The following RBFOX1 variants were observed in gnomAD, a reference collection of about 807,000 sequenced individuals.
RBFOX1 encodes RNA binding fox-1 homolog 1, also known as RNA binding protein fox-1 homolog 1.
A neutral mutation model predicts 57.7 loss-of-function variants in RBFOX1; 8 were observed. That is an observed-to-expected ratio of 0.14 (90% CI 0.08 to 0.25). RBFOX1 has a LOEUF of 0.25. RBFOX1 is among the 10% of genes least tolerant of loss of function. RBFOX1 has a pLI of 1.00. For missense variants in RBFOX1, 611 were observed against 548.5 expected (o/e 1.11, Z -1.14); for synonymous variants, 326 against 222.4 (o/e 1.47, Z -4.15).
chr16:7,440,047 G>T (rs553457834), intron 4 of RBFOX1, among the ~76,000 whole-genome samples: 1 of 149,656 alleles, frequency 6.7e-6, no homozygotes, highest in Non-Finnish European at 1.5e-5. Context: ...CATCTCCCGG[G>T]TTCAGGTGAT....
intron 4 of RBFOX1, among the ~76,000 whole-genome samples, chr16:7,256,485 A>G (rs1175768240): frequency 6.6e-6 from 1 of 152,174 alleles, no homozygotes; most frequent in Non-Finnish European, 1.5e-5. Flanking sequence ...GAGCCTTTTT[A>G]GACCTTTTTT....
intron 1 of RBFOX1, among the ~76,000 whole-genome samples, chr16:6,314,681 G>T (rs927515461): frequency 2.0e-5 from 3 of 152,292 alleles, no homozygotes; most frequent in East Asian, 1.9e-4. Context: ...GAGCTGAAAA[G>T]GTTGAACCTG....
intron 2 of RBFOX1, among the ~76,000 whole-genome samples, chr16:6,525,509 G>A (rs1424897388): frequency 6.6e-6 from 1 of 152,154 alleles, no homozygotes; most frequent in Non-Finnish European, 1.5e-5. Context: ...TTTGTTGGTT[G>A]GTGCTGCTAT....
intron 3 of RBFOX1, among the ~76,000 whole-genome samples, chr16:6,745,450 T>G (rs553927973): frequency 7.8e-4 from 118 of 152,156 alleles, no homozygotes; most frequent in Non-Finnish European, 1.5e-3. Context: ...GGATACTATA[T>G]CAAGAATGAG....
At chr16:6,121,256 G>T (rs1055203188) in intron 1 of RBFOX1, among the ~76,000 whole-genome samples, 1 of 152,226 alleles carries the variant, frequency 6.6e-6, no homozygotes, top group East Asian at 1.9e-4. Context: ...TCTAGACTCT[G>T]CTTTGAGACA....
intron 1 of RBFOX1, among the ~76,000 whole-genome samples, chr16:6,262,740 C>T (rs910646607): frequency 6.6e-6 from 1 of 152,090 alleles, no homozygotes; most frequent in African/African-American, 2.4e-5. Flanking sequence ...ATGTCTCTGC[C>T]AGCTGGGATT....
intron 3 of RBFOX1, among the ~76,000 whole-genome samples, chr16:7,043,810 G>C (rs7187241): frequency 0.12 from 18,987 of 152,094 alleles, 2,056 homozygotes; most frequent in East Asian, 0.29. Flanking sequence ...CTTGACTCTT[G>C]TGTCATATTC....
rs1325303071 is a variant in RBFOX1 at position 6,971,845 on chromosome 16, G to C, written c.-15-80212G>C. 4.6e-5 allele frequency among the ~76,000 whole-genome samples: 7 copies of C among 152,246 alleles called. No individual in the cohort carries two copies. The East Asian group carries it at 1.4e-3, about 29-fold the overall frequency. On this transcript the variant is annotated intron_variant, in intron 3 of 15. Transcript: ENST00000550418. Reference sequence around the variant, plus strand: ...CAAGGCTAAGAGCAGAGAAGTGTCTGATGGAAGAGTCTAATTCCCTGCAGT... The same window carrying C: ...CAAGGCTAAGAGCAGAGAAGTGTCTCATGGAAGAGTCTAATTCCCTGCAGT...
chr16:6,900,512 C>T (rs1486104698), intron 3 of RBFOX1, among the ~76,000 whole-genome samples: 1 of 152,226 alleles, frequency 6.6e-6, no homozygotes, highest in Non-Finnish European at 1.5e-5. Context: ...CTTGGATGGT[C>T]TGGCCCTGCC....
chr16:6,859,153 G>GTATATATATACGTATATATATACGTA (rs2058507610), intron 3 of RBFOX1, among the ~76,000 whole-genome samples: 1 of 81,456 alleles, frequency 1.2e-5, no homozygotes, highest in Non-Finnish European at 2.3e-5. Flanking sequence ...ATATATATAT[G>GTATATATATACGTATATATATACGTA]TATATATATA....
chr16:7,305,716 C>G (rs1185610852), intron 4 of RBFOX1, among the ~76,000 whole-genome samples: 1 of 151,990 alleles, frequency 6.6e-6, no homozygotes, highest in Non-Finnish European at 1.5e-5. Context: ...TTGGTTGACT[C>G]CAGAAAATAT....
chr16:6,881,993 T>A (rs2063035892), intron 3 of RBFOX1, among the ~76,000 whole-genome samples: 1 of 152,182 alleles, frequency 6.6e-6, no homozygotes, highest in Admixed American at 6.5e-5. Context: ...AGGAGAAATT[T>A]TTTTAAAAAA....
chr16:7,562,528 G>GC (rs1172861023), intron 5 of RBFOX1, among the ~76,000 whole-genome samples: 1 of 152,178 alleles, frequency 6.6e-6, no homozygotes, highest in Non-Finnish European at 1.5e-5. Context: ...GCTGATCAGT[G>GC]CCCCAAGTAA....
chr16:5,953,922 C>T (rs1275894745), intron 4 of RBFOX1, among the ~76,000 whole-genome samples: 1 of 152,124 alleles, frequency 6.6e-6, no homozygotes, highest in Non-Finnish European at 1.5e-5. Flanking sequence ...TCAAATTTAA[C>T]TGGGCCACCT....
At chr16:6,126,892 C>A (rs939682722) in intron 1 of RBFOX1, among the ~76,000 whole-genome samples, 3 of 152,142 alleles carry the variant, frequency 2.0e-5, no homozygotes, top group Non-Finnish European at 4.4e-5. Flanking sequence ...TACAAAGAAG[C>A]AAACAGCTCA....
At chr16:7,409,995 C>T (rs978707331) in intron 4 of RBFOX1, among the ~76,000 whole-genome samples, 1 of 152,190 alleles carries the variant, frequency 6.6e-6, no homozygotes, top group Non-Finnish European at 1.5e-5. Context: ...CCAGGGGACA[C>T]AGCTGGATGG....
chr16:7,052,338 C>G (rs2050375548), intron 4 of RBFOX1, among the ~76,000 whole-genome samples: 1 of 152,132 alleles, frequency 6.6e-6, no homozygotes, highest in African/African-American at 2.4e-5. Flanking sequence ...GCAATAAATA[C>G]TTTTCTTCTG....
intron 3 of RBFOX1, among the ~76,000 whole-genome samples, chr16:7,013,185 T>G (rs574982853): frequency 1.2e-4 from 18 of 152,354 alleles, no homozygotes; most frequent in African/African-American, 4.3e-4. Context: ...CTCATTGGCT[T>G]TGTGACTGAG....
In RBFOX1 at chr16:7,342,635, A is replaced by G. The variant is rs150992085; in HGVS notation, c.28-175512A>G. Among the ~76,000 whole-genome samples, 603 of 152,282 alleles carry G rather than the reference A, an allele frequency of 4.0e-3. 2 individuals carry two copies. Among genetic ancestry groups the G allele is most frequent in the African/African-American group, 0.014 (574 of 41,554 alleles). Reference sequence around the variant, plus strand: ...TCTTGGTGGAGATTCCTGGTGAGCAAGGACACATGTGTTTGGCCTGCGTGG... The same window carrying G: ...TCTTGGTGGAGATTCCTGGTGAGCAGGGACACATGTGTTTGGCCTGCGTGG... On this transcript the variant is annotated intron_variant, in intron 4 of 15. Transcript: ENST00000550418.
Sources: gnomAD v4.1 joint callset for allele counts (sites outside exome capture counted in the v4.1 genomes callset) on GRCh38, gnomAD v4.1.1 for gene constraint, MANE v1.5 for transcripts, NCBI Gene and HGNC (gene_info 2026-07-23, HGNC 2026-07-21) for gene names.